CFTR: variants seen among roughly 807,000 people sequenced by gnomAD.
CFTR encodes the protein CF transmembrane conductance regulator, also known as cystic fibrosis transmembrane conductance regulator.
CFTR carries 181 observed loss-of-function variants against 171.6 expected under a neutral mutation model. The ratio of observed to expected loss-of-function variants is 1.05; its 90% CI spans 0.93 to 1.19. The LOEUF is 1.19. CFTR is among the 50% of genes most tolerant of loss of function. CFTR has a pLI of 0.00. For synonymous variants in CFTR, 583 were observed against 608.0 expected (o/e 0.96, Z 0.60); for missense variants, 1,968 against 1,734.7 (o/e 1.13, Z -2.39).
chr7:117,504,887 T>C (rs530752883), intron 2 of CFTR, among the ~76,000 whole-genome samples: 2 of 152,102 alleles, frequency 1.3e-5, no homozygotes, highest in Non-Finnish European at 2.9e-5. Flanking sequence ...AAATACACAT[T>C]TGGTTTCAGA....
chr7:117,554,617 G>T lies in CFTR; in HGVS notation c.1393-4847G>T, dbSNP rs150500483. Among the ~76,000 whole-genome samples, 740 of 152,184 alleles carry T rather than the reference G, an allele frequency of 4.9e-3. 12 individuals are homozygous for T. Among genetic ancestry groups the T allele is most frequent in the African/African-American group, 0.015 (633 of 41,500 alleles). ...AGAGGGTTGATAAGAAGAGAAAGGG[G>T]TGTAGGGGTTAGCCTAAGGGCATTC... On this transcript the variant is annotated intron_variant, in intron 10 of 26. Coordinates refer to ENST00000003084, the MANE Select transcript of CFTR (RefSeq NM_000492.4).
At chr7:117,564,298 G>A (rs1425786782) in intron 11 of CFTR, among the ~76,000 whole-genome samples, 1 of 152,206 alleles carries the variant, frequency 6.6e-6, no homozygotes, top group African/African-American at 2.4e-5. Flanking sequence ...GTAACTGAAA[G>A]TGCTCGGTTA....
At chr7:117,607,105 C>CA (rs984291888) in intron 18 of CFTR, among the ~76,000 whole-genome samples, 3 of 152,100 alleles carry the variant, frequency 2.0e-5, no homozygotes, top group African/African-American at 7.2e-5. Context: ...AACCTCCCCC[C>CA]AAAAGGCCTG....
intron 1 of CFTR, among the ~76,000 whole-genome samples, chr7:117,502,724 G>A (rs1225068859): frequency 3.3e-5 from 5 of 152,054 alleles, no homozygotes; most frequent in Admixed American, 3.3e-4. Context: ...TTTCTTTATT[G>A]CTCTCCAGGA....
chr7:117,558,486 A>G (rs1433007087), intron 10 of CFTR, among the ~76,000 whole-genome samples: 1 of 151,906 alleles, frequency 6.6e-6, no homozygotes, highest in Non-Finnish European at 1.5e-5. Context: ...CCCAGGAGGC[A>G]GAACTTGCAG....
At position 117,540,160 on chromosome 7, in the gene CFTR, C is replaced by A; in HGVS notation, c.930C>A (p.Phe310Leu). 6.2e-7 allele frequency: 1 copy of A among 1,613,864 alleles called. No individual in the cohort carries two copies. Among genetic ancestry groups the A allele is most frequent in the Non-Finnish European group, 8.5e-7 (1 of 1,179,814 alleles). Residue 310 changes from phenylalanine (F) to leucine (L), a missense_variant, in exon 8 of 27, where the codon TTC becomes TTA. Phe to Leu is a conservative substitution (Grantham distance 22). Coordinates refer to ENST00000003084, the MANE Select transcript of CFTR (RefSeq NM_000492.4). The part of the protein sequence containing the change: ...AYVRYFNSSA[F>L]FFSGFFVVFL... ...TGAGATACTTCAATAGCTCAGCCTT[C>A]TTCTTCTCAGGGTTCTTTGTGGTGT...
At position 117,542,416 on chromosome 7, in the gene CFTR, C is replaced by T. The variant is rs570373268; in HGVS notation, c.1209+308C>T. 3.9e-5 allele frequency among the ~76,000 whole-genome samples: 6 copies of T among 152,130 alleles called. No homozygotes were observed. In the East Asian group the frequency reaches 1.2e-3, roughly 29 times the overall value. Reference sequence around the variant, plus strand: ...ACAAAAAATTAACTGGGCATGGTGGCAGATGCTGTAGTCCCAGCTGCTCGG... The same window carrying T: ...ACAAAAAATTAACTGGGCATGGTGGTAGATGCTGTAGTCCCAGCTGCTCGG... On this transcript the variant is annotated intron_variant, in intron 9 of 26. Transcript: ENST00000003084.
chr7:117,664,546 A>G (rs780682628), intron 24 of CFTR, 142 bp from the exon 25 acceptor site: 8 of 757,130 alleles, frequency 1.1e-5, no homozygotes, highest in Admixed American at 2.0e-5. Context: ...TGCTCAATCA[A>G]TTCAAATGGT....
chr7:117,556,508 A>ATTTC (rs1799358946), intron 10 of CFTR, among the ~76,000 whole-genome samples: 2 of 100,988 alleles, frequency 2.0e-5, no homozygotes, highest in African/African-American at 7.6e-5. Context: ...TATTTGTTTC[A>ATTTC]TTTCTTTTTT....
At position 117,536,681 on chromosome 7, in the gene CFTR, G is replaced by T. The variant is rs773933167; in HGVS notation, c.869+8G>T. 5 of 1,607,548 alleles carry T rather than the reference G, an allele frequency of 3.1e-6. No individual in the cohort carries two copies. In the African/African-American group the frequency reaches 4.0e-5, roughly 13 times the overall value. On this transcript the variant is annotated splice_region_variant and intron_variant, in intron 7 of 26. Coordinates refer to ENST00000003084, the MANE Select transcript of CFTR (RefSeq NM_000492.4). ...GATTGAAAACTTAAGACAGTAAGTT[G>T]TTCCAATAATTTCAATATTGTTAGT...
At chr7:117,495,299 G>A (rs1267973043) in intron 1 of CFTR, among the ~76,000 whole-genome samples, 1 of 152,034 alleles carries the variant, frequency 6.6e-6, no homozygotes, top group Non-Finnish European at 1.5e-5. Context: ...CCAAAATCCT[G>A]GAAAGGCACT....
intron 3 of CFTR, among the ~76,000 whole-genome samples, chr7:117,509,438 A>G (rs954933679): frequency 9.9e-5 from 15 of 152,160 alleles, no homozygotes; most frequent in Non-Finnish European, 1.9e-4. Context: ...CTAGTACATG[A>G]GATTACTGGT....
At chr7:117,618,323 T>C (rs1001750234) in intron 21 of CFTR, among the ~76,000 whole-genome samples, 1 of 151,972 alleles carries the variant, frequency 6.6e-6, no homozygotes, top group Non-Finnish European at 1.5e-5. Flanking sequence ...ACCCCATCTC[T>C]CCTAAAAATA....
At position 117,566,738 on chromosome 7, in the gene CFTR, A is replaced by G. The variant is rs533203549; in HGVS notation, c.1584+7083A>G. On this transcript the variant is annotated intron_variant, in intron 11 of 26. Coordinates refer to ENST00000003084, the MANE Select transcript of CFTR (RefSeq NM_000492.4). ...TAACATCTGTGAACAGAACATACCCATCAGTACTGTGCTAAGCACCTTTCA... is the reference window on the plus strand; with the variant it reads ...TAACATCTGTGAACAGAACATACCCGTCAGTACTGTGCTAAGCACCTTTCA... Among the ~76,000 whole-genome samples the G allele has an allele frequency of 2.5e-4, 38 of 152,292 alleles. No homozygotes were observed. The East Asian group carries it at 6.9e-3, about 28-fold the overall frequency.
chr7:117,540,974 T>C (rs1799043449), intron 8 of CFTR, among the ~76,000 whole-genome samples: 1 of 152,140 alleles, frequency 6.6e-6, no homozygotes, highest in African/African-American at 2.4e-5. Flanking sequence ...CACTCATGTG[T>C]GCAGCCTCTT....
rs997209577 is a variant in CFTR, at chr7:117,535,167, G to T, written c.580-81G>T. 5 of 1,459,734 alleles carry T rather than the reference G, an allele frequency of 3.4e-6. No homozygotes were observed. The African/African-American group carries it at 7.0e-5, about 20-fold the overall frequency. 90.4% of individuals were successfully genotyped at this position (1,459,734 alleles called of 1,614,324 possible). On this transcript the variant is annotated intron_variant, in intron 5 of 26. Transcript: ENST00000003084. Reference sequence around the variant, plus strand: ...TTGATCATATAAGCTCCTTTTACTTGCTTTCTTTCATATATGATTGTTAGT... The same window carrying T: ...TTGATCATATAAGCTCCTTTTACTTTCTTTCTTTCATATATGATTGTTAGT...
chr7:117,578,680 T>G (rs551169719), intron 11 of CFTR, among the ~76,000 whole-genome samples: 1 of 152,258 alleles, frequency 6.6e-6, no homozygotes, highest in African/African-American at 2.4e-5. Flanking sequence ...GGCCATTAAA[T>G]ATTATTGAGG....
intron 21 of CFTR, 144 bp downstream of exon 21, chr7:117,614,857 C>A: frequency 1.5e-6 from 1 of 668,102 alleles, no homozygotes. Context: ...CACTGTGTAT[C>A]TGTCATTAAA....
At chr7:117,632,206 T>G (rs1293278504) in intron 22 of CFTR, among the ~76,000 whole-genome samples, 2 of 152,120 alleles carry the variant, frequency 1.3e-5, no homozygotes, top group Non-Finnish European at 2.9e-5. Context: ...GGTCTGAGTT[T>G]CAGCACAACT....
Sources: allele counts gnomAD v4.1 joint callset (sites outside exome capture counted in the v4.1 genomes callset), GRCh38; gene constraint gnomAD v4.1.1; transcripts MANE v1.5; gene names NCBI Gene and HGNC (gene_info 2026-07-23, HGNC 2026-07-21).